ANKRD35: variants seen among roughly 807,000 people sequenced by gnomAD.
The protein encoded by ANKRD35 is ankyrin repeat domain 35, also known as ankyrin repeat domain-containing protein 35.
ANKRD35 carries 102 observed loss-of-function variants against 109.9 expected under a neutral mutation model. That is an observed-to-expected ratio of 0.93 (90% CI 0.79 to 1.09). ANKRD35 has a LOEUF of 1.09. ANKRD35 is among the 50% of genes least tolerant of loss of function. The probability of loss-of-function intolerance (pLI) is 0.00; values close to 1 mark genes in which losing one functional copy is unlikely to be tolerated. For synonymous variants in ANKRD35, 515 were observed against 512.4 expected (o/e 1.01, Z -0.07); for missense variants, 1,240 against 1,230.1 (o/e 1.01, Z -0.12).
chr1:145,879,526 A>G, intron 1 of ANKRD35, 138 bp from the exon 2 acceptor site: 1 of 1,040,444 alleles, frequency 9.6e-7, no homozygotes, highest in Non-Finnish European at 1.3e-6. Context: ...ATCCTAGATC[A>G]TTTAGTCCTT....
chr1:145,874,807 C>A lies in ANKRD35; in HGVS notation c.745+15G>T, dbSNP rs782616951. On this transcript the variant is annotated intron_variant, in intron 8 of 13. Coordinates refer to ENST00000355594, the MANE Select transcript of ANKRD35 (RefSeq NM_144698.5). ...TGATTCTTAGAGAACGTGGAAGTTACACAAGGGCCTTTACCGCCCCGCCGC... is the reference window on the plus strand; with the variant it reads ...TGATTCTTAGAGAACGTGGAAGTTAAACAAGGGCCTTTACCGCCCCGCCGC... 1.0e-5 allele frequency: 16 copies of A among 1,563,132 alleles called. No homozygotes were observed. Among genetic ancestry groups the A allele is most frequent in the Non-Finnish European group, 1.4e-5 (16 of 1,155,322 alleles).
Position 145,878,497 on chromosome 1 carries a change from G to T in ANKRD35, c.171-18C>A, listed in dbSNP as rs143671400. 1 of 1,557,392 alleles carries T rather than the reference G, an allele frequency of 6.4e-7. No individual in the cohort carries two copies. Among genetic ancestry groups the T allele is most frequent in the South Asian group, 1.2e-5 (1 of 84,460 alleles). ...GATGAAACCTGCCAGAATCAAGGCC[G>T]AGAGGCCAAAGGATAAAGGGACCAG... On this transcript the variant is annotated intron_variant, in intron 2 of 13. Coordinates refer to ENST00000355594, the MANE Select transcript of ANKRD35 (RefSeq NM_144698.5).
Position 145,873,811 on chromosome 1 carries a change from T to C in ANKRD35, c.958A>G (p.Thr320Ala). ...GCAGCTTGAGTCTTACACTCTTCTG[T>C]CTTTTGCACCAGCTCCTGCTCCAGC... is the stretch of plus-strand genomic sequence containing the variant. ...VRLEQELVQKTEECKTQAAAY... is the reference protein window; with the variant it reads ...VRLEQELVQKAEECKTQAAAY... Residue 320 changes from threonine to alanine, a missense_variant, in exon 10 of 14, where the codon ACA becomes GCA. Transcript: ENST00000355594. The C allele has an allele frequency of 6.2e-7, 1 of 1,609,170 alleles. No homozygotes were observed. The highest frequency in any genetic ancestry group is 8.5e-7 in the Non-Finnish European group (1 of 1,177,540).
At position 145,872,946 on chromosome 1, in the gene ANKRD35, A is replaced by G. The variant is rs782594611; in HGVS notation, c.1823T>C (p.Leu608Pro). 9 of 1,611,028 alleles carry G rather than the reference A, an allele frequency of 5.6e-6. No individual in the cohort carries two copies. The highest frequency in any genetic ancestry group is 1.7e-4 in the Middle Eastern group (1 of 6,048). The change falls in exon 10 of 14, where the codon CTG (leucine) becomes CCG (proline). Residue 608 changes from leucine (L) to proline (P), a missense_variant. Physicochemically the swap from Leu to Pro is moderately conservative, Grantham distance 98. Transcript: ENST00000355594. Reference sequence around the variant, plus strand: ...CTCCTTCTCCAGCTGTCCCTTTGCCAGGCCTCCTAGGGCCTTTTCCCCTCC... The same window carrying G: ...CTCCTTCTCCAGCTGTCCCTTTGCCGGGCCTCCTAGGGCCTTTTCCCCTCC... ...ALGGEKALGG[L>P]AKGQLEKEMS...
In ANKRD35 at chr1:145,871,977, C is replaced by T. The variant is rs1443062887; in HGVS notation, c.2787+5G>A. 7 of 1,609,254 alleles carry T rather than the reference C, an allele frequency of 4.3e-6. No homozygotes were observed. The highest frequency in any genetic ancestry group is 5.9e-6 in the Non-Finnish European group (7 of 1,179,928). On this transcript the variant is annotated splice_donor_5th_base_variant and intron_variant, in intron 10 of 13. Transcript: ENST00000355594. Reference sequence around the variant, plus strand: ...GTGCTCCCCAGGGCTACCTCAGCTGCTCACCTTGGCTTCCTTGTCTCGGCA... The same window carrying T: ...GTGCTCCCCAGGGCTACCTCAGCTGTTCACCTTGGCTTCCTTGTCTCGGCA...
Position 145,867,304 on chromosome 1 carries a change from C to A in ANKRD35, c.*26G>T. The A allele has an allele frequency of 6.2e-7, 1 of 1,609,024 alleles. No individual in the cohort carries two copies. The highest frequency in any genetic ancestry group is 8.5e-7 in the Non-Finnish European group (1 of 1,175,606). On this transcript the variant is annotated 3_prime_UTR_variant, in exon 13 of 14. Transcript: ENST00000355594. ...CAACTCACAACAGAGAATCTCGTATCCCTGAGGGCACACAGTGAGGCTGCC... is the reference window on the plus strand; with the variant it reads ...CAACTCACAACAGAGAATCTCGTATACCTGAGGGCACACAGTGAGGCTGCC...
chr1:145,880,124 G>T (rs587635453), intron 1 of ANKRD35, among the ~76,000 whole-genome samples: 1 of 152,294 alleles, frequency 6.6e-6, no homozygotes, highest in South Asian at 2.1e-4. Flanking sequence ...CAGTTTCCCT[G>T]GCAGGGAGCA....
In ANKRD35 at chr1:145,876,267, G is replaced by A. The variant is rs782649407; in HGVS notation, c.454-21C>T. 5 of 1,599,754 alleles carry A rather than the reference G, an allele frequency of 3.1e-6. No homozygotes were observed. The African/African-American group carries it at 6.7e-5, about 21-fold the overall frequency. ...CCATCCTGCACAGATTGTAGGAAGA[G>A]GTTCATGAGCAGCCAGGGACTGCAG... On this transcript the variant is annotated intron_variant, in intron 6 of 13. Coordinates refer to ENST00000355594, the MANE Select transcript of ANKRD35 (RefSeq NM_144698.5).
chr1:145,876,277 C>A (rs1472335399), intron 6 of ANKRD35, 31 bp from the exon 7 acceptor site: 1 of 1,587,644 alleles, frequency 6.3e-7, no homozygotes, highest in Non-Finnish European at 8.6e-7. Context: ...GGTTCATGAG[C>A]AGCCAGGGAC....
intron 7 of ANKRD35, 129 bp from the exon 8 acceptor site, chr1:145,875,135 C>T: frequency 2.4e-6 from 2 of 830,972 alleles, no homozygotes; most frequent in Non-Finnish European, 3.6e-6. Flanking sequence ...AACATTAGAC[C>T]AGACTAGACT....
rs1553739038 is a variant in ANKRD35 at position 145,872,665 on chromosome 1, G to A, written c.2104C>T (p.Arg702Ter). The change falls in exon 10 of 14, where the codon CGA becomes TGA. Residue 702 changes from arginine (R) to a stop codon, truncating the protein, a stop_gained. Transcript: ENST00000355594. LOFTEE classifies it high-confidence loss of function. The part of the protein sequence containing the change: ...KLLASQSSGL[R>*]GLWDCLPADL... The stretch of plus-strand genomic sequence containing the variant: ...GCGGGCAGGCAGTCCCACAGCCCTC[G>A]GAGACCGCTGCTCTGGGAGGCCAGG... The A allele has an allele frequency of 1.2e-6, 2 of 1,614,102 alleles. No homozygotes were observed. The highest frequency in any genetic ancestry group is 1.1e-5 in the South Asian group (1 of 91,084).
Position 145,868,069 on chromosome 1 carries a change from A to G in ANKRD35, c.2878-13T>C. 6.2e-7 allele frequency: 1 copy of G among 1,613,580 alleles called. No individual in the cohort carries two copies. Among genetic ancestry groups the G allele is most frequent in the South Asian group, 1.1e-5 (1 of 91,072 alleles). ...TCTTCTGGGAATCCTGGGAATGAACATCAATGGGAAGTCACATGTCCACCC... is the reference window on the plus strand; with the variant it reads ...TCTTCTGGGAATCCTGGGAATGAACGTCAATGGGAAGTCACATGTCCACCC... On this transcript the variant is annotated splice_polypyrimidine_tract_variant and intron_variant, in intron 11 of 13. Coordinates refer to ENST00000355594, the MANE Select transcript of ANKRD35 (RefSeq NM_144698.5).
intron 12 of ANKRD35, among the ~76,000 whole-genome samples, chr1:145,867,631 T>C (rs1376976041): frequency 2.6e-5 from 4 of 152,106 alleles, no homozygotes; most frequent in African/African-American, 9.7e-5. Context: ...AGGTACACAA[T>C]AGGTGTTCAT....
At chr1:145,870,807 C>T (rs1553738465) in intron 10 of ANKRD35, among the ~76,000 whole-genome samples, 2 of 152,058 alleles carry the variant, frequency 1.3e-5, no homozygotes, top group Non-Finnish European at 2.9e-5. Flanking sequence ...GCAACCTCCA[C>T]CTCCCAGGTT....
chr1:145,879,326 T>C lies in ANKRD35; in HGVS notation c.102A>G (p.Gly34=). 1 of 1,611,214 alleles carries C rather than the reference T, an allele frequency of 6.2e-7. No individual in the cohort carries two copies. The highest frequency in any genetic ancestry group is 8.5e-7 in the Non-Finnish European group (1 of 1,178,848). The change falls in exon 2 of 14, where the codon GGA becomes GGG. Residue 34 remains glycine, a synonymous_variant. Coordinates refer to ENST00000355594, the MANE Select transcript of ANKRD35 (RefSeq NM_144698.5). The part of the protein sequence containing the change: ...LLEAVHRGDV[G]RVAALASRKS... The stretch of plus-strand genomic sequence containing the variant: ...TCCTGGAGGCCAGGGCAGCCACGCG[T>C]CCCACATCCCCCCTGTGCACTGCCT...
intron 10 of ANKRD35, among the ~76,000 whole-genome samples, chr1:145,868,639 T>C (rs1463236221): frequency 2.0e-5 from 3 of 152,240 alleles, no homozygotes; most frequent in African/African-American, 7.2e-5. Context: ...ATCTTTTTGA[T>C]ATTGTGAACT....
chr1:145,885,082 G>T (rs907146894), intron 1 of ANKRD35, among the ~76,000 whole-genome samples: 2 of 152,196 alleles, frequency 1.3e-5, no homozygotes, highest in Non-Finnish European at 2.9e-5. Flanking sequence ...TGTTGTGGGA[G>T]CATCAATTGG....
Position 145,874,872 on chromosome 1 carries a change from T to C in ANKRD35, c.695A>G (p.Lys232Arg), listed in dbSNP as rs782359632. The C allele has an allele frequency of 1.9e-6, 3 of 1,612,680 alleles. No individual in the cohort carries two copies. The highest frequency in any genetic ancestry group is 2.5e-6 in the Non-Finnish European group (3 of 1,179,236). The change falls in exon 8 of 14, where the codon AAG becomes AGG. Residue 232 changes from lysine (K) to arginine (R), a missense_variant. Coordinates refer to ENST00000355594, the MANE Select transcript of ANKRD35 (RefSeq NM_144698.5). ...ALHYALHTQD[K>R]ALWRHLQQAL... The stretch of plus-strand genomic sequence containing the variant: ...CTGCTGTAGGTGCCTCCACAGTGCC[T>C]TGTCTTGTGTGTGCAGAGCATAGTG...
rs371517786 is a variant in ANKRD35 at position 145,871,326 on chromosome 1, C to T, written c.2787+656G>A. 2.1e-3 allele frequency among the ~76,000 whole-genome samples: 326 copies of T among 151,948 alleles called. 20 individuals are homozygous for T. The South Asian group carries it at 0.066, about 31-fold the overall frequency. ...TTACAGGTGCCCGCACCACGCCCAGCTAATTTTTGTATTTTTAGTGGAGAC... is the reference window on the plus strand; with the variant it reads ...TTACAGGTGCCCGCACCACGCCCAGTTAATTTTTGTATTTTTAGTGGAGAC... On this transcript the variant is annotated intron_variant, in intron 10 of 13. Coordinates refer to ENST00000355594, the MANE Select transcript of ANKRD35 (RefSeq NM_144698.5).
Sources: allele counts gnomAD v4.1 joint callset (sites outside exome capture counted in the v4.1 genomes callset), GRCh38; gene constraint gnomAD v4.1.1; transcripts MANE v1.5; gene names NCBI Gene and HGNC (gene_info 2026-07-23, HGNC 2026-07-21).